Variants in PRUNE2 observed in about 807,000 individuals in gnomAD.
PRUNE2 encodes prune homolog 2 with BCH domain, also known as protein prune homolog 2.
Under a neutral mutation model 252.0 loss-of-function variants are expected in PRUNE2, and 164 were observed. The observed-to-expected ratio is 0.65, with a 90% CI of 0.57 to 0.74. The LOEUF is 0.74. PRUNE2 is among the 30% of genes least tolerant of loss of function. The pLI is 0.00. For synonymous variants in PRUNE2, 1,292 were observed against 1,350.2 expected (o/e 0.96, Z 0.94); for missense variants, 3,495 against 3,711.0 (o/e 0.94, Z 1.51).
rs754205254 is a variant in PRUNE2 at position 76,710,303 on chromosome 9, C to A, written c.1971G>T (p.Trp657Cys). Reference sequence around the variant, plus strand: ...TTTTGGAGTCAATTTCCAAACCACCCCACCAGCTGCTGCACCGTGCATGGG... The same window carrying A: ...TTTTGGAGTCAATTTCCAAACCACCACACCAGCTGCTGCACCGTGCATGGG... ...PQTHARCSSWWGGLEIDSKNI... is the reference protein window; with the variant it reads ...PQTHARCSSWCGGLEIDSKNI... Residue 657 changes from tryptophan to cysteine, a missense_variant, in exon 8 of 19, where the codon TGG becomes TGT. Physicochemically the swap from Trp to Cys is radical, Grantham distance 215. Coordinates refer to ENST00000376718, the MANE Select transcript of PRUNE2 (RefSeq NM_015225.3). 5 of 1,613,816 alleles carry A rather than the reference C, an allele frequency of 3.1e-6. No homozygotes were observed. In the African/African-American group the frequency reaches 6.7e-5, roughly 22 times the overall value.
At chr9:76,905,889 G>A (rs1164605060) in intron 1 of PRUNE2, 39 bp downstream of exon 1, 1 of 1,596,482 alleles carries the variant, frequency 6.3e-7, no homozygotes, top group East Asian at 2.2e-5. Flanking sequence ...ATTAGCATAC[G>A]CGCGCGCGCA....
chr9:76,631,258 C>A (rs951019573), intron 15 of PRUNE2, among the ~76,000 whole-genome samples: 1 of 152,214 alleles, frequency 6.6e-6, no homozygotes, highest in Non-Finnish European at 1.5e-5. Flanking sequence ...AAAAGGAAAA[C>A]CTCCAGCTCC....
intron 1 of PRUNE2, chr9:76,857,003 C>T (rs2060286334): frequency 2.2e-6 from 1 of 452,942 alleles, no homozygotes; most frequent in Middle Eastern, 3.3e-4. Context: ...ATCCACCCGC[C>T]TTTGCCTCCC....
chr9:76,753,710 C>T (rs140484132), intron 6 of PRUNE2, among the ~76,000 whole-genome samples: 3,315 of 152,032 alleles, frequency 0.022, 103 homozygotes, highest in African/African-American at 0.074. Context: ...GTCAGGAGAT[C>T]GTGACCATCC....
chr9:76,747,328 C>T (rs1381592020), intron 6 of PRUNE2, among the ~76,000 whole-genome samples: 1 of 152,104 alleles, frequency 6.6e-6, no homozygotes, highest in Non-Finnish European at 1.5e-5. Context: ...GTCTTTAAAA[C>T]CAGAGTTTTA....
chr9:76,859,566 T>C (rs1431311383), intron 1 of PRUNE2, among the ~76,000 whole-genome samples: 3 of 152,056 alleles, frequency 2.0e-5, no homozygotes, highest in Admixed American at 6.6e-5. Flanking sequence ...GAAAAACCAA[T>C]GCACCGAGAA....
chr9:76,738,853 CAT>C (rs1564188042), intron 6 of PRUNE2: 2 of 152,142 alleles, frequency 1.3e-5, no homozygotes, highest in Non-Finnish European at 2.9e-5. Context: ...TGATACTTCT[CAT>C]GTTTTAGAAT....
At chr9:76,846,807 T>C in intron 3 of PRUNE2, 129 bp from the exon 4 acceptor site, 1 of 683,546 alleles carries the variant, frequency 1.5e-6, no homozygotes, top group Non-Finnish European at 2.5e-6. Context: ...GGAACTCACA[T>C]GACTCAGAAG....
intron 6 of PRUNE2, among the ~76,000 whole-genome samples, chr9:76,764,061 A>G (rs935617897): frequency 2.0e-5 from 3 of 152,206 alleles, no homozygotes; most frequent in African/African-American, 4.8e-5. Context: ...GGTAGGACCA[A>G]TAACCTCATT....
At chr9:76,845,853 T>C (rs899863359) in intron 4 of PRUNE2, among the ~76,000 whole-genome samples, 2 of 152,180 alleles carry the variant, frequency 1.3e-5, no homozygotes, top group African/African-American at 4.8e-5. Context: ...CTGTGGTAAT[T>C]TTGTGGTTCC....
At chr9:76,660,395 A>G (rs1405458254) in intron 9 of PRUNE2, among the ~76,000 whole-genome samples, 2 of 152,196 alleles carry the variant, frequency 1.3e-5, no homozygotes, top group African/African-American at 4.8e-5. Flanking sequence ...TCATGTCTCA[A>G]TTTATATTAC....
intron 9 of PRUNE2, among the ~76,000 whole-genome samples, chr9:76,673,076 A>T (rs1257477911): frequency 6.6e-6 from 1 of 152,088 alleles, no homozygotes; most frequent in Non-Finnish European, 1.5e-5. Flanking sequence ...AAGGAAATAG[A>T]GATACAAAAA....
intron 6 of PRUNE2, among the ~76,000 whole-genome samples, chr9:76,804,899 T>A (rs1237055681): frequency 2.0e-5 from 3 of 152,226 alleles, no homozygotes; most frequent in Admixed American, 2.0e-4. Context: ...GCCACCCTGT[T>A]CCTTGCAGTA....
At chr9:76,782,636 G>C (rs1195812941) in intron 6 of PRUNE2, 2 of 152,192 alleles carry the variant, frequency 1.3e-5, no homozygotes. Flanking sequence ...TAAGCGCAGA[G>C]TTTCTTGGAT....
At chr9:76,847,205 A>G (rs1589554978) in intron 3 of PRUNE2, among the ~76,000 whole-genome samples, 1 of 152,062 alleles carries the variant, frequency 6.6e-6, no homozygotes, top group Non-Finnish European at 1.5e-5. Flanking sequence ...AGCTGCCTGT[A>G]ATCCCAGCTA....
intron 1 of PRUNE2, among the ~76,000 whole-genome samples, chr9:76,860,127 G>A (rs542923844): frequency 6.6e-6 from 1 of 152,258 alleles, no homozygotes; most frequent in Non-Finnish European, 1.5e-5. Context: ...TTTCCGGGAG[G>A]GAGTCTCAGG....
chr9:76,746,678 G>C lies in PRUNE2; in HGVS notation c.757-32957C>G, dbSNP rs368124299. 8.0e-3 allele frequency among the ~76,000 whole-genome samples: 1,100 copies of C among 137,370 alleles called. 13 individuals carry two copies. Among genetic ancestry groups the C allele is most frequent in the African/African-American group, 0.029 (1,065 of 36,380 alleles). The allele number at this position is 137,370 out of a possible 152,430, so 90.1% of individuals were successfully genotyped here. A position where few individuals can be genotyped will look rare whatever the true frequency, so the allele number is the denominator to read the frequency against. On this transcript the variant is annotated intron_variant, in intron 6 of 18. Coordinates refer to ENST00000376718, the MANE Select transcript of PRUNE2 (RefSeq NM_015225.3). Reference sequence around the variant, plus strand: ...CGAGATTGCGCCACTGCAGTCCGCAGTCCGGCCTGGGCAACAGAGCGAGAC... The same window carrying C: ...CGAGATTGCGCCACTGCAGTCCGCACTCCGGCCTGGGCAACAGAGCGAGAC...
chr9:76,639,807 C>A (rs1045430732), intron 12 of PRUNE2, among the ~76,000 whole-genome samples: 3 of 152,128 alleles, frequency 2.0e-5, no homozygotes, highest in African/African-American at 7.2e-5. Flanking sequence ...GTGGGAAATG[C>A]GGAAAGTGTG....
At chr9:76,735,240 T>C (rs2048974245) in intron 6 of PRUNE2, among the ~76,000 whole-genome samples, 1 of 152,144 alleles carries the variant, frequency 6.6e-6, no homozygotes, top group East Asian at 1.9e-4. Flanking sequence ...CACTTACAAC[T>C]GAAGAATAGA....
Sources: allele counts gnomAD v4.1 joint callset (sites outside exome capture counted in the v4.1 genomes callset), GRCh38; gene constraint gnomAD v4.1.1; transcripts MANE v1.5; gene names NCBI Gene and HGNC (gene_info 2026-07-23, HGNC 2026-07-21).